SETD2: variants seen among roughly 807,000 people sequenced by gnomAD.
SETD2 encodes histone-lysine N-methyltransferase SETD2.
Under a neutral mutation model 242.1 loss-of-function variants are expected in SETD2, and 31 were observed. The observed-to-expected ratio is 0.13, with a 90% confidence interval of 0.10 to 0.17. The LOEUF (loss-of-function observed/expected upper bound fraction) is 0.17. SETD2 is among the 10% of genes least tolerant of loss of function. The pLI is 1.00. For missense variants in SETD2, 2,481 were observed against 3,046.3 expected, an observed-to-expected ratio of 0.81 and a Z score of 4.37; for synonymous variants, 1,006 against 1,066.5, an observed-to-expected ratio of 0.94 and a Z score of 1.11.
intron 15 of SETD2, among the ~76,000 whole-genome samples, chr3:47,052,882 T>C (rs1023786596): frequency 4.6e-5 from 7 of 152,042 alleles, no homozygotes; most frequent in Non-Finnish European, 2.9e-5. Context: ...GAAGTATCTT[T>C]AAACTGTGAC....
At chr3:47,044,822 C>G (rs2039450325) in intron 16 of SETD2, among the ~76,000 whole-genome samples, 1 of 152,124 alleles carries the variant, frequency 6.6e-6, no homozygotes, top group Non-Finnish European at 1.5e-5. Flanking sequence ...AGTACAGTAT[C>G]ATATTCTAGT....
intron 1 of SETD2, among the ~76,000 whole-genome samples, chr3:47,153,838 G>C (rs2044059498): frequency 6.6e-6 from 1 of 151,022 alleles, no homozygotes; most frequent in South Asian, 2.1e-4. Context: ...AAGTAAGGCA[G>C]GAATAAAAAT....
intron 2 of SETD2, 87 bp from the exon 3 acceptor site, chr3:47,124,635 A>G (rs1335904049): frequency 2.6e-6 from 3 of 1,149,458 alleles, no homozygotes; most frequent in African/African-American, 1.6e-5. Context: ...TACTGGAGAA[A>G]TGAAAAGCCC....
At chr3:47,160,747 A>T (rs1697466293) in intron 1 of SETD2, among the ~76,000 whole-genome samples, 2 of 152,126 alleles carry the variant, frequency 1.3e-5, no homozygotes. Flanking sequence ...AAAGACCTGC[A>T]CCTCTATCAC....
At chr3:47,113,610 G>A (rs183531690) in intron 5 of SETD2, among the ~76,000 whole-genome samples, 4 of 152,244 alleles carry the variant, frequency 2.6e-5, no homozygotes, top group African/African-American at 9.6e-5. Flanking sequence ...CAAGGTGGGC[G>A]GAAAACTTGC....
At position 47,017,405 on chromosome 3, in the gene SETD2, G is replaced by T; in HGVS notation, c.7534-151C>A. ...AAGGGGGTAGATGTTGGGGCAGGCT[G>T]GTGCTATGATCACCAGAAAGGACAA... On this transcript the variant is annotated intron_variant, in intron 20 of 20. Transcript: ENST00000409792. This position sits in a 1 kb window ranked among gnomAD's most constrained non-coding sequence, Gnocchi z 4.8. 1.2e-6 allele frequency: 1 copy of T among 852,168 alleles called. No individual in the cohort carries two copies. The highest frequency in any genetic ancestry group is 1.8e-6 in the Non-Finnish European group (1 of 558,128). 52.8% of individuals were successfully genotyped at this position (852,168 alleles called of 1,614,324 possible). A position where few individuals can be genotyped will look rare whatever the true frequency, so the allele number is the denominator to read the frequency against.
chr3:47,088,861 G>A (rs928590300), intron 9 of SETD2, among the ~76,000 whole-genome samples: 2 of 152,154 alleles, frequency 1.3e-5, no homozygotes, highest in Non-Finnish European at 2.9e-5. Context: ...TTCTGCACAT[G>A]TGTACCTGGA....
chr3:47,137,549 T>C (rs1021672152), intron 1 of SETD2, among the ~76,000 whole-genome samples: 7 of 152,290 alleles, frequency 4.6e-5, no homozygotes, highest in Admixed American at 2.0e-4. Flanking sequence ...AAATATTTTA[T>C]GTAATGCCCA....
intron 12 of SETD2, among the ~76,000 whole-genome samples, chr3:47,069,132 T>C (rs2040701649): frequency 6.6e-6 from 1 of 152,146 alleles, no homozygotes; most frequent in African/African-American, 2.4e-5. Context: ...AAAACGACCC[T>C]ATGAGGTAAG....
chr3:47,083,161 A>T lies in SETD2; in HGVS notation c.6060+559T>A, dbSNP rs139228361. On this transcript the variant is annotated intron_variant, in intron 12 of 20. Transcript: ENST00000409792. ...ACAAGAGATTATGTATGTAATAGGCATAAGAGTTCCAGATCTATTTTTCCT... is the reference window on the plus strand; with the variant it reads ...ACAAGAGATTATGTATGTAATAGGCTTAAGAGTTCCAGATCTATTTTTCCT... 1.8e-3 allele frequency among the ~76,000 whole-genome samples: 270 copies of T among 152,356 alleles called. 1 individual carries two copies. The highest frequency in any genetic ancestry group is 6.2e-3 in the African/African-American group (256 of 41,584).
intron 12 of SETD2, among the ~76,000 whole-genome samples, chr3:47,077,289 G>T (rs1266780729): frequency 6.6e-6 from 1 of 152,018 alleles, no homozygotes; most frequent in African/African-American, 2.4e-5. Flanking sequence ...CACCATGTTG[G>T]CCAGGCTGGT....
intron 13 of SETD2, among the ~76,000 whole-genome samples, chr3:47,066,025 T>C (rs1280944566): frequency 6.6e-6 from 1 of 152,192 alleles, no homozygotes; most frequent in Non-Finnish European, 1.5e-5. Flanking sequence ...TCCACTTATA[T>C]GTGGATTTTC....
chr3:47,048,933 T>A (rs1208767711), intron 15 of SETD2, among the ~76,000 whole-genome samples: 1 of 152,112 alleles, frequency 6.6e-6, no homozygotes, highest in Non-Finnish European at 1.5e-5. Context: ...CCCAAAGTGC[T>A]GGGATTACAG....
At chr3:47,068,884 C>T (rs1203452020) in intron 12 of SETD2, among the ~76,000 whole-genome samples, 3 of 152,042 alleles carry the variant, frequency 2.0e-5, no homozygotes, top group African/African-American at 7.2e-5. Context: ...TTGCAACCTC[C>T]ACCTCCCAGG....
intron 1 of SETD2, among the ~76,000 whole-genome samples, chr3:47,143,522 T>A (rs1372856091): frequency 1.3e-5 from 2 of 152,200 alleles, no homozygotes; most frequent in Non-Finnish European, 2.9e-5. Flanking sequence ...TTTTTGAACA[T>A]CATTTTGCAG....
At chr3:47,133,426 A>T (rs2043523836) in intron 1 of SETD2, among the ~76,000 whole-genome samples, 1 of 152,132 alleles carries the variant, frequency 6.6e-6, no homozygotes, top group Admixed American at 6.6e-5. Flanking sequence ...AAAAGTTGTT[A>T]AAAATTCTCA....
At chr3:47,024,689 T>C (rs915476431) in intron 18 of SETD2, among the ~76,000 whole-genome samples, 4 of 152,192 alleles carry the variant, frequency 2.6e-5, no homozygotes, top group African/African-American at 9.7e-5. Context: ...TCTCTGCAAC[T>C]CCCTCAATGC....
rs2043245677 is a variant in SETD2 at position 47,124,469 on chromosome 3, G to C, written c.167C>G (p.Pro56Arg). 6 of 1,551,622 alleles carry C rather than the reference G, an allele frequency of 3.9e-6. No homozygotes were observed. The highest frequency in any genetic ancestry group is 4.4e-6 in the Non-Finnish European group (5 of 1,146,972). Reference sequence around the variant, plus strand: ...ATTAACTTTTGTTTTGGTGCCTTTGGGCAAAAATCGACTAGAAGCAACACC... The same window carrying C: ...ATTAACTTTTGTTTTGGTGCCTTTGCGCAAAAATCGACTAGAAGCAACACC... ...FKGVASSRFLPKGTKTKVNLE... is the reference protein window; with the variant it reads ...FKGVASSRFLRKGTKTKVNLE... Residue 56 changes from proline (P) to arginine (R), a missense_variant, in exon 3 of 21, where the codon CCC (proline) becomes CGC (arginine). Physicochemically the swap from Pro to Arg is moderately radical, Grantham distance 103. This residue lies in a region of SETD2 where 334 missense variants were observed against 374.5 expected (regional missense o/e 0.89). Transcript: ENST00000409792.
intron 1 of SETD2, among the ~76,000 whole-genome samples, chr3:47,142,337 G>T (rs373196726): frequency 6.6e-6 from 1 of 151,782 alleles, no homozygotes; most frequent in South Asian, 2.1e-4. Context: ...GTGAGACCTC[G>T]CCTCTACAAA....
Sources: gnomAD v4.1 joint callset for allele counts (sites outside exome capture counted in the v4.1 genomes callset) on GRCh38, gnomAD v4.1.1 for gene constraint, gnomAD v4.1.1 regional missense constraint, Gnocchi (gnomAD v3.1) non-coding constraint, MANE v1.5 for transcripts, NCBI Gene and HGNC (gene_info 2026-07-23, HGNC 2026-07-21) for gene names.